CLMP: variants seen among roughly 807,000 people sequenced by gnomAD.
CLMP encodes the protein CXADR-like membrane protein.
In CLMP, 27 loss-of-function variants were observed where a neutral mutation model predicts 45.2. The observed-to-expected ratio is 0.60, with a 90% CI of 0.44 to 0.82. The LOEUF is 0.82. Ranked by LOEUF, CLMP falls within the 40% of genes least tolerant of loss-of-function variation. CLMP has a pLI of 0.00. For missense variants in CLMP, 403 were observed against 448.4 expected, an observed-to-expected ratio of 0.90 and a Z score of 0.91; for synonymous variants, 167 against 171.4, an observed-to-expected ratio of 0.97 and a Z score of 0.20.
intron 1 of CLMP, among the ~76,000 whole-genome samples, chr11:123,156,517 C>T (rs996952012): frequency 3.3e-5 from 5 of 152,144 alleles, no homozygotes; most frequent in South Asian, 2.1e-4. Flanking sequence ...TGTTGTTTTA[C>T]GCCATTAAGT....
intron 1 of CLMP, among the ~76,000 whole-genome samples, chr11:123,165,530 T>A (rs1861545032): frequency 6.6e-6 from 1 of 152,184 alleles, no homozygotes; most frequent in African/African-American, 2.4e-5. Flanking sequence ...AAGGACATTA[T>A]TATTTTTCTG....
At chr11:123,146,789 A>ACCT (rs1195152596) in intron 1 of CLMP, among the ~76,000 whole-genome samples, 9 of 151,752 alleles carry the variant, frequency 5.9e-5, no homozygotes, top group Non-Finnish European at 1.2e-4. Context: ...CTACCACCAG[A>ACCT]CCTCCTCCTC....
At chr11:123,186,609 G>A (rs1052107467) in intron 1 of CLMP, among the ~76,000 whole-genome samples, 15 of 151,454 alleles carry the variant, frequency 9.9e-5, no homozygotes, top group African/African-American at 2.9e-4. Context: ...TGCAATCTCC[G>A]CCTCCCAGGT....
chr11:123,134,124 G>T (rs895326416), intron 1 of CLMP, among the ~76,000 whole-genome samples: 5 of 151,966 alleles, frequency 3.3e-5, no homozygotes, highest in Admixed American at 1.3e-4. Context: ...GCCAGGCGTG[G>T]TGGCACACAC....
chr11:123,078,402 C>G (rs751132168), intron 5 of CLMP, among the ~76,000 whole-genome samples: 1 of 152,088 alleles, frequency 6.6e-6, no homozygotes, highest in Non-Finnish European at 1.5e-5. Context: ...GAAAAGTAAT[C>G]CATAAAGTTA....
intron 1 of CLMP, among the ~76,000 whole-genome samples, chr11:123,148,260 T>A (rs1302118957): frequency 2.0e-5 from 3 of 152,208 alleles, no homozygotes; most frequent in Non-Finnish European, 4.4e-5. Context: ...TTGGTCCAGG[T>A]CTTTCTGACC....
At chr11:123,075,185 C>G (rs1865722721) in intron 5 of CLMP, among the ~76,000 whole-genome samples, 1 of 151,944 alleles carries the variant, frequency 6.6e-6, no homozygotes, top group Non-Finnish European at 1.5e-5. Flanking sequence ...AACTCCCGAC[C>G]TCAGGTGATC....
At chr11:123,152,296 G>A (rs1861346721) in intron 1 of CLMP, among the ~76,000 whole-genome samples, 1 of 152,056 alleles carries the variant, frequency 6.6e-6, no homozygotes, top group Non-Finnish European at 1.5e-5. Context: ...GGCTGAGATG[G>A]GTGGATCACG....
In CLMP at chr11:123,195,086, G is replaced by GGCCCCGC; in HGVS notation, c.-153_-147dup. ...TGCAGCCATGTGCCGGGCGGGAGCC[G>GGCCCCGC]GCCCCGCGCCCCGTGCCCCTGGGGG... On this transcript the variant is annotated 5_prime_UTR_variant, in exon 1 of 7. Transcript: ENST00000448775. The GGCCCCGC allele has an allele frequency of 1.7e-6, 1 of 583,074 alleles. No homozygotes were observed. Among genetic ancestry groups the GGCCCCGC allele is most frequent in the Non-Finnish European group, 2.5e-6 (1 of 402,090 alleles). 36.1% of individuals were successfully genotyped at this position (583,074 alleles called of 1,614,324 possible).
At position 123,128,365 on chromosome 11, in the gene CLMP, T is replaced by C. The variant is rs541198208; in HGVS notation, c.29-30413A>G. Among the ~76,000 whole-genome samples the C allele has an allele frequency of 1.0e-4, 12 of 114,830 alleles. No homozygotes were observed. In the East Asian group the frequency reaches 1.3e-3, roughly 13 times the overall value. 75.3% of individuals were successfully genotyped at this position (114,830 alleles called of 152,430 possible). The stretch of plus-strand genomic sequence containing the variant: ...TAATCCTGGCATGGTGGCCCAGGCC[T>C]GTAATGCCAGCATGGTAGCTCAGGC... On this transcript the variant is annotated intron_variant, in intron 1 of 6. Transcript: ENST00000448775.
chr11:123,113,571 A>G lies in CLMP; in HGVS notation c.29-15619T>C, dbSNP rs190436785. On this transcript the variant is annotated intron_variant, in intron 1 of 6. Coordinates refer to ENST00000448775, the MANE Select transcript of CLMP (RefSeq NM_024769.5). ...TGGCAGCCTTAGTGATTAGCAAACC[A>G]GTTGCCAAGCTGACTTCTGCGTTTG... 2.0e-3 allele frequency among the ~76,000 whole-genome samples: 308 copies of G among 152,296 alleles called. 1 individual carries two copies. The highest frequency in any genetic ancestry group is 4.8e-3 in the Admixed American group (74 of 15,292).
At chr11:123,147,396 C>T (rs992868144) in intron 1 of CLMP, among the ~76,000 whole-genome samples, 2 of 152,186 alleles carry the variant, frequency 1.3e-5, no homozygotes, top group African/African-American at 4.8e-5. Context: ...CCCCATAAGA[C>T]TCAGAGGTCA....
rs545183898 is a variant in CLMP, at chr11:123,133,039, G to A, written c.29-35087C>T. 2.0e-5 allele frequency among the ~76,000 whole-genome samples: 3 copies of A among 152,166 alleles called. No individual in the cohort carries two copies. In the East Asian group the frequency reaches 5.8e-4, roughly 29 times the overall value. ...CTGCCTCGGCCTCCCAAAGGCTGGG[G>A]TTATAGGGGTGTGTCACTATGCCTG... is the stretch of plus-strand genomic sequence containing the variant. On this transcript the variant is annotated intron_variant, in intron 1 of 6. Coordinates refer to ENST00000448775, the MANE Select transcript of CLMP (RefSeq NM_024769.5).
intron 1 of CLMP, among the ~76,000 whole-genome samples, chr11:123,157,525 C>G (rs922050665): frequency 6.6e-6 from 1 of 152,072 alleles, no homozygotes; most frequent in Non-Finnish European, 1.5e-5. Context: ...TGCACTTCAG[C>G]CTGTGCAACA....
chr11:123,099,226 G>A (rs1866026315), intron 1 of CLMP, among the ~76,000 whole-genome samples: 1 of 152,176 alleles, frequency 6.6e-6, no homozygotes, highest in Admixed American at 6.6e-5. Flanking sequence ...AGAAACTCAT[G>A]TTCTTAAGTT....
At chr11:123,153,756 C>T (rs933072251) in intron 1 of CLMP, among the ~76,000 whole-genome samples, 1 of 152,052 alleles carries the variant, frequency 6.6e-6, no homozygotes, top group Non-Finnish European at 1.5e-5. Context: ...GATCTCAGCT[C>T]ACTCCAGCCT....
At chr11:123,106,143 C>T (rs1220412802) in intron 1 of CLMP, among the ~76,000 whole-genome samples, 1 of 151,310 alleles carries the variant, frequency 6.6e-6, no homozygotes, top group Non-Finnish European at 1.5e-5. Context: ...TGATTTTATT[C>T]TATTTTTTTT....
chr11:123,150,535 A>G (rs1463251613), intron 1 of CLMP, among the ~76,000 whole-genome samples: 1,679 of 97,018 alleles, frequency 0.017, 33 homozygotes, highest in East Asian at 0.055. Flanking sequence ...AAGGAAAGAA[A>G]CAAGCAAGGA....
At chr11:123,124,048 T>C (rs1263295552) in intron 1 of CLMP, among the ~76,000 whole-genome samples, 1 of 152,164 alleles carries the variant, frequency 6.6e-6, no homozygotes, top group Non-Finnish European at 1.5e-5. Flanking sequence ...ATTCATTTGA[T>C]GGGAGAGTTA....
Sources: allele counts gnomAD v4.1 joint callset (sites outside exome capture counted in the v4.1 genomes callset), GRCh38; gene constraint gnomAD v4.1.1; transcripts MANE v1.5; gene names NCBI Gene and HGNC (gene_info 2026-07-23, HGNC 2026-07-21).